Variants in ABHD5 observed in about 807,000 individuals in gnomAD.
ABHD5 encodes 1-acylglycerol-3-phosphate O-acyltransferase ABHD5.
A neutral mutation model predicts 44.9 loss-of-function variants in ABHD5; 30 were observed. That is an observed-to-expected ratio of 0.67 (90% confidence interval 0.50 to 0.91). The LOEUF (loss-of-function observed/expected upper bound fraction) is 0.91. ABHD5 is among the 40% of genes least tolerant of loss of function. The probability of loss-of-function intolerance (pLI) is 0.00; values close to 1 mark genes in which losing one functional copy is unlikely to be tolerated. For missense variants in ABHD5, 399 were observed against 423.4 expected (o/e 0.94, Z 0.50); for synonymous variants, 167 against 147.0 (o/e 1.14, Z -0.99).
chr3:43,691,127 A>C, intron 1 of ABHD5, 88 bp downstream of exon 1: 1 of 1,293,984 alleles, frequency 7.7e-7, no homozygotes, highest in Non-Finnish European at 1.0e-6. Flanking sequence ...AGCACCAAGG[A>C]GTCGCCGCCC....
In ABHD5 at chr3:43,720,339, C is replaced by T. The variant is rs1004642575; in HGVS notation, c.*1807C>T. On this transcript the variant is annotated 3_prime_UTR_variant, in exon 7 of 7. Coordinates refer to ENST00000644371, the MANE Select transcript of ABHD5 (RefSeq NM_016006.6). The stretch of plus-strand genomic sequence containing the variant: ...AGGTTTTTGCACAGGAAATTTGGTC[C>T]CAGCCCTTGGAAGGAAGAAGTTCCT... 6.6e-6 allele frequency: 1 copy of T among 152,032 alleles called. No individual in the cohort carries two copies. The highest frequency in any genetic ancestry group is 1.5e-5 in the Non-Finnish European group (1 of 68,018). 9.4% of individuals were successfully genotyped at this position (152,032 alleles called of 1,614,324 possible).
In ABHD5 at chr3:43,722,212, A is replaced by G. The variant is rs549324985; in HGVS notation, c.*3680A>G. 1.3e-5 allele frequency: 2 copies of G among 152,244 alleles called. No individual in the cohort carries two copies. The highest frequency in any genetic ancestry group is 1.3e-4 in the Admixed American group (2 of 15,278). The allele number at this position is 152,244 out of a possible 1,614,324, so 9.4% of individuals were successfully genotyped here. ...CATTGATAGGGAATTGATGGAAGGA[A>G]CTAGGGTATATCTATACAATGGGAT... is the stretch of plus-strand genomic sequence containing the variant. On this transcript the variant is annotated 3_prime_UTR_variant, in exon 7 of 7. Coordinates refer to ENST00000644371, the MANE Select transcript of ABHD5 (RefSeq NM_016006.6).
chr3:43,709,480 C>G (rs1389217623), intron 3 of ABHD5, among the ~76,000 whole-genome samples: 1 of 152,010 alleles, frequency 6.6e-6, no homozygotes, highest in Non-Finnish European at 1.5e-5. Context: ...TTTGTCCTAC[C>G]TGTTTTTGGG....
chr3:43,732,074 TA>T (rs944200929), intron 7 of ABHD5, among the ~76,000 whole-genome samples: 28 of 152,036 alleles, frequency 1.8e-4, no homozygotes, highest in African/African-American at 6.8e-4. Context: ...CAGTAAAACA[TA>T]AAAAAAATTA....
intron 4 of ABHD5, among the ~76,000 whole-genome samples, chr3:43,713,118 C>G (rs1011145952): frequency 1.3e-5 from 2 of 151,996 alleles, no homozygotes; most frequent in African/African-American, 2.4e-5. Context: ...GGCTTTGAGA[C>G]AAGCCCGGCC....
Position 43,715,071 on chromosome 3 carries a change from A to G in ABHD5, c.773+13A>G. On this transcript the variant is annotated intron_variant, in intron 5 of 6. Transcript: ENST00000644371. ...TGCAGACTCCAAGGTGAGGGTTAGG[A>G]TTCTCAATTCACTCTGTGTGTGTGT... is the stretch of plus-strand genomic sequence containing the variant. 1.4e-6 allele frequency: 2 copies of G among 1,463,184 alleles called. No individual in the cohort carries two copies. Among genetic ancestry groups the G allele is most frequent in the Non-Finnish European group, 1.9e-6 (2 of 1,056,392 alleles). The allele number at this position is 1,463,184 out of a possible 1,614,324, so 90.6% of individuals were successfully genotyped here. A position where few individuals can be genotyped will look rare whatever the true frequency, so the allele number is the denominator to read the frequency against.
At chr3:43,715,562 A>C (rs1286811406) in intron 5 of ABHD5, among the ~76,000 whole-genome samples, 1 of 152,300 alleles carries the variant, frequency 6.6e-6, no homozygotes, top group Middle Eastern at 3.4e-3. Flanking sequence ...TTACTCATCT[A>C]TTCTTAGAGT....
rs900815145 is a variant in ABHD5, at chr3:43,711,559, G to C, written c.507-150G>C. The C allele has an allele frequency of 3.9e-5, 33 of 842,646 alleles. No homozygotes were observed. In the East Asian group the frequency reaches 8.6e-4, roughly 22 times the overall value. 52.2% of individuals were successfully genotyped at this position (842,646 alleles called of 1,614,324 possible). On this transcript the variant is annotated intron_variant, in intron 3 of 6. Transcript: ENST00000644371. ...AATCTCAAAAGTTTACACAGAATAAGAGCATGATACGATCTATTTAGCACT... is the reference window on the plus strand; with the variant it reads ...AATCTCAAAAGTTTACACAGAATAACAGCATGATACGATCTATTTAGCACT...
intron 4 of ABHD5, among the ~76,000 whole-genome samples, chr3:43,712,910 C>T (rs1246254261): frequency 6.6e-6 from 1 of 152,092 alleles, no homozygotes; most frequent in Non-Finnish European, 1.5e-5. Context: ...TATGACTCGG[C>T]CCACTCCTAG....
Position 43,711,760 on chromosome 3 carries a change from C to T in ABHD5, c.558C>T (p.Asp186=), listed in dbSNP as rs763771556. The change falls in exon 4 of 7, where the codon GAC becomes GAT. Residue 186 remains aspartate (D), a synonymous_variant. Coordinates refer to ENST00000644371, the MANE Select transcript of ABHD5 (RefSeq NM_016006.6). ...CTTGGGGTTTCCCTGAACGACCAGA[C>T]CTTGCTGATCAAGACAGACCAATTC... is the stretch of plus-strand genomic sequence containing the variant. The part of the protein sequence containing the change: ...VEPWGFPERP[D]LADQDRPIPV... The T allele has an allele frequency of 6.2e-7, 1 of 1,614,210 alleles. No individual in the cohort carries two copies. Among genetic ancestry groups the T allele is most frequent in the Admixed American group, 1.7e-5 (1 of 60,032 alleles).
At chr3:43,708,081 A>G (rs1395423438) in intron 3 of ABHD5, among the ~76,000 whole-genome samples, 1 of 152,200 alleles carries the variant, frequency 6.6e-6, no homozygotes, top group Non-Finnish European at 1.5e-5. Flanking sequence ...GCCCTTAAGG[A>G]TGTACTCTGC....
intron 6 of ABHD5, among the ~76,000 whole-genome samples, chr3:43,718,177 G>T (rs759287640): frequency 6.6e-6 from 1 of 152,032 alleles, no homozygotes; most frequent in Non-Finnish European, 1.5e-5. Context: ...ACTTTTTTCA[G>T]TTTCTCTGTT....
In ABHD5 at chr3:43,715,083, C is replaced by CCCTGTGTGTGTGTGTGTG. The variant is rs1559417824; in HGVS notation, c.773+25_773+26insCCTGTGTGTGTGTGTGTG. 4 of 1,230,242 alleles carry CCCTGTGTGTGTGTGTGTG rather than the reference C, an allele frequency of 3.3e-6. No homozygotes were observed. The African/African-American group carries it at 8.8e-5, about 27-fold the overall frequency. 76.2% of individuals were successfully genotyped at this position (1,230,242 alleles called of 1,614,324 possible). A position where few individuals can be genotyped will look rare whatever the true frequency, so the allele number is the denominator to read the frequency against. On this transcript the variant is annotated intron_variant, in intron 5 of 6. Transcript: ENST00000644371. ...GGTGAGGGTTAGGATTCTCAATTCA[C>CCCTGTGTGTGTGTGTGTG]TCTGTGTGTGTGTGTGTGTGTGTGT...
chr3:43,715,410 G>A (rs1224615005), intron 5 of ABHD5, among the ~76,000 whole-genome samples: 23 of 152,070 alleles, frequency 1.5e-4, no homozygotes, highest in Admixed American at 1.5e-3. Flanking sequence ...TCATCTGCCC[G>A]CCTCTGCCTC....
chr3:43,717,564 T>G (rs1033015357), intron 5 of ABHD5, 107 bp from the exon 6 acceptor site: 5 of 1,166,852 alleles, frequency 4.3e-6, no homozygotes, highest in Middle Eastern at 1.9e-4. Context: ...GAGGTTTTTC[T>G]TAGGTGCTGG....
At chr3:43,699,605 T>G (rs2084514957) in intron 2 of ABHD5, 1 of 454,000 alleles carries the variant, frequency 2.2e-6, no homozygotes, top group Admixed American at 3.4e-5. Flanking sequence ...CCAAGGAGAT[T>G]TGTTTATGGG....
At chr3:43,715,847 G>T (rs1229350685) in intron 5 of ABHD5, among the ~76,000 whole-genome samples, 1 of 152,168 alleles carries the variant, frequency 6.6e-6, no homozygotes, top group African/African-American at 2.4e-5. Context: ...CTATACCGAA[G>T]GGTATTGAAT....
In ABHD5 at chr3:43,718,802, G is replaced by A. The variant is rs374866960; in HGVS notation, c.*270G>A. The A allele has an allele frequency of 5.6e-6, 2 of 355,862 alleles. No homozygotes were observed. Among genetic ancestry groups the A allele is most frequent in the East Asian group, 5.3e-5 (1 of 18,902 alleles). The allele number at this position is 355,862 out of a possible 1,614,324, so 22.0% of individuals were successfully genotyped here. A position where few individuals can be genotyped will look rare whatever the true frequency, so the allele number is the denominator to read the frequency against. The stretch of plus-strand genomic sequence containing the variant: ...ATAAAAGGTTATTTGTCCCTCTGAT[G>A]TACTGAAAAACTGTAATTTTTCAGC... On this transcript the variant is annotated 3_prime_UTR_variant, in exon 7 of 7. Coordinates refer to ENST00000644371, the MANE Select transcript of ABHD5 (RefSeq NM_016006.6).
At position 43,699,280 on chromosome 3, in the gene ABHD5, G is replaced by A; in HGVS notation, c.52G>A (p.Gly18Arg). The change falls in exon 2 of 7, where the codon GGA becomes AGA. Residue 18 changes from glycine to arginine, a missense_variant. Gly to Arg is a moderately radical substitution (Grantham distance 125). Coordinates refer to ENST00000644371, the MANE Select transcript of ABHD5 (RefSeq NM_016006.6). ...ATTTTGTTTTTGGTGCTCTAGGTCA[G>A]GATGGCTAACTGGTTGGCTCCCCAC... ...VDSADTGERS[G>R]WLTGWLPTWC... 6.2e-7 allele frequency: 1 copy of A among 1,613,902 alleles called. No homozygotes were observed. Among genetic ancestry groups the A allele is most frequent in the Non-Finnish European group, 8.5e-7 (1 of 1,179,772 alleles).
Sources: allele counts gnomAD v4.1 joint callset (sites outside exome capture counted in the v4.1 genomes callset), GRCh38; gene constraint gnomAD v4.1.1; transcripts MANE v1.5; gene names NCBI Gene and HGNC (gene_info 2026-07-23, HGNC 2026-07-21).